Variants in ZBBX observed in about 807,000 individuals in gnomAD.
The protein encoded by ZBBX is zinc finger B-box domain-containing protein 1.
A neutral mutation model predicts 108.5 loss-of-function variants in ZBBX; 101 were observed. The observed-to-expected ratio is 0.93, with a 90% confidence interval of 0.79 to 1.10. ZBBX has a LOEUF of 1.10. Among genes scored for constraint, ZBBX ranks in the 50% least tolerant of loss-of-function variants. The pLI, the probability that ZBBX is intolerant of heterozygous loss-of-function variation, is 0.00. For missense variants in ZBBX, 1,009 were observed against 941.4 expected (o/e 1.07, Z -0.94); for synonymous variants, 356 against 323.4 (o/e 1.10, Z -1.08).
the ZBBX span, among the ~76,000 whole-genome samples, chr3:167,223,838 T>G: frequency 6.6e-6 from 1 of 151,984 alleles, no homozygotes; most frequent in Non-Finnish European, 1.5e-5. Context: ...GATTCAATTT[T>G]TATGTCCTTA....
At chr3:167,313,795 C>T (rs1319205814) in intron 16 of ZBBX, among the ~76,000 whole-genome samples, 179 bp downstream of exon 16, 2 of 152,212 alleles carry the variant, frequency 1.3e-5, no homozygotes, top group Non-Finnish European at 1.5e-5. Flanking sequence ...CATACAAACA[C>T]TGTTGTCCAT....
chr3:167,191,083 C>A, the ZBBX span, among the ~76,000 whole-genome samples: 1 of 152,200 alleles, frequency 6.6e-6, no homozygotes, highest in Non-Finnish European at 1.5e-5. Context: ...TCTGTTTCAA[C>A]CAAGTTACTA....
chr3:167,272,806 C>T (rs933876920), intron 20 of ZBBX, among the ~76,000 whole-genome samples: 3 of 152,130 alleles, frequency 2.0e-5, no homozygotes, highest in Non-Finnish European at 4.4e-5. Context: ...TGTAGGAAAA[C>T]AAGTCTGTCA....
intron 19 of ZBBX, 150 bp from the exon 20 acceptor site, chr3:167,282,645 G>A: frequency 1.7e-6 from 1 of 598,886 alleles, no homozygotes; most frequent in Non-Finnish European, 2.8e-6. Context: ...ACCCTTTCTA[G>A]CTAACCACAT....
At chr3:167,348,372 A>AAAGAAAG (rs1560163843) in intron 9 of ZBBX, among the ~76,000 whole-genome samples, 95 of 104,788 alleles carry the variant, frequency 9.1e-4, no homozygotes, top group Non-Finnish European at 1.4e-3. Flanking sequence ...AAGAAAGAAA[A>AAAGAAAG]AAAAGAAAAG....
chr3:167,276,900 T>G (rs530867979), intron 20 of ZBBX, among the ~76,000 whole-genome samples: 2 of 151,918 alleles, frequency 1.3e-5, no homozygotes, highest in African/African-American at 4.8e-5. Context: ...GATCTCTCGG[T>G]AGAAACTCTA....
intron 11 of ZBBX, among the ~76,000 whole-genome samples, chr3:167,325,457 C>G (rs1190028452): frequency 2.0e-5 from 3 of 152,128 alleles, no homozygotes; most frequent in Admixed American, 6.6e-5. Flanking sequence ...GACCCACTCC[C>G]ATGATTCAAT....
intron 20 of ZBBX, among the ~76,000 whole-genome samples, chr3:167,249,446 T>G (rs1722182527): frequency 6.6e-6 from 1 of 152,124 alleles, no homozygotes; most frequent in African/African-American, 2.4e-5. Flanking sequence ...ACCCTGTTAC[T>G]CGGGGTCCAC....
intron 21 of ZBBX, among the ~76,000 whole-genome samples, chr3:167,242,014 A>T (rs1031389778): frequency 1.3e-5 from 2 of 152,154 alleles, no homozygotes; most frequent in Non-Finnish European, 2.9e-5. Flanking sequence ...AGCTGATCTG[A>T]CCATCCCTAA....
At chr3:167,330,949 C>CTCTCTCTCTCTT (rs1386510048) in intron 10 of ZBBX, among the ~76,000 whole-genome samples, 1 of 137,136 alleles carries the variant, frequency 7.3e-6, no homozygotes, top group Non-Finnish European at 1.6e-5. Flanking sequence ...CTTTCTTTCT[C>CTCTCTCTCTCTT]TCTCTCTCTC....
chr3:167,376,878 G>A (rs1462335530), intron 2 of ZBBX, among the ~76,000 whole-genome samples: 1 of 152,138 alleles, frequency 6.6e-6, no homozygotes, highest in Non-Finnish European at 1.5e-5. Context: ...AGAGAATTTA[G>A]TCACCTTTCT....
chr3:167,317,496 T>C lies in ZBBX; in HGVS notation c.1085A>G (p.Asp362Gly). ...ATCAAGTATGAACTAACCATCACTATCTTCATCGTTTTCATTTTGAGAACA... is the reference window on the plus strand; with the variant it reads ...ATCAAGTATGAACTAACCATCACTACCTTCATCGTTTTCATTTTGAGAACA... ...AQCSQNENDE[D>G]SDGEETKVQH... The change falls in exon 13 of 22, where the codon GAT becomes GGT. Residue 362 changes from aspartate (D) to glycine (G), a missense_variant. Coordinates refer to ENST00000675490, the MANE Select transcript of ZBBX (RefSeq NM_001199201.2). 1 of 1,606,524 alleles carries C rather than the reference T, an allele frequency of 6.2e-7. No individual in the cohort carries two copies. Among genetic ancestry groups the C allele is most frequent in the Non-Finnish European group, 8.5e-7 (1 of 1,175,608 alleles).
In ZBBX at chr3:167,269,847, G is replaced by A. The variant is rs1199353681; in HGVS notation, c.2254+12391C>T. 2.6e-5 allele frequency among the ~76,000 whole-genome samples: 4 copies of A among 152,162 alleles called. No individual in the cohort carries two copies. The East Asian group carries it at 7.7e-4, about 29-fold the overall frequency. On this transcript the variant is annotated intron_variant, in intron 20 of 21. Transcript: ENST00000675490. ...TCCATATATCCATCAATGGATTACTGTAACAGACTCAAAGCATGCTTTCTG... is the reference window on the plus strand; with the variant it reads ...TCCATATATCCATCAATGGATTACTATAACAGACTCAAAGCATGCTTTCTG...
intron 20 of ZBBX, among the ~76,000 whole-genome samples, chr3:167,259,873 G>A (rs1164400662): frequency 6.6e-6 from 1 of 151,990 alleles, no homozygotes; most frequent in Admixed American, 6.6e-5. Context: ...AATTTATTGA[G>A]GCTCATTTTA....
At chr3:167,313,847 A>G (rs547273377) in intron 16 of ZBBX, 127 bp downstream of exon 16, 46 of 818,164 alleles carry the variant, frequency 5.6e-5, no homozygotes, top group Middle Eastern at 8.4e-4. Flanking sequence ...ATTTTCAACT[A>G]ATTTTCATTT....
the ZBBX span, among the ~76,000 whole-genome samples, chr3:167,230,428 A>G: frequency 6.6e-6 from 1 of 151,828 alleles, no homozygotes; most frequent in African/African-American, 2.4e-5. Context: ...GTGAACAAAT[A>G]CTTTCTGTAG....
intron 1 of ZBBX, among the ~76,000 whole-genome samples, chr3:167,407,427 T>C (rs1748619213): frequency 6.6e-6 from 1 of 152,092 alleles, no homozygotes; most frequent in African/African-American, 2.4e-5. Context: ...CAGTTGGCCC[T>C]TGAACAATGT....
intron 20 of ZBBX, among the ~76,000 whole-genome samples, chr3:167,263,538 T>C (rs1481483449): frequency 6.6e-6 from 1 of 152,240 alleles, no homozygotes; most frequent in African/African-American, 2.4e-5. Context: ...AAAATTTCTC[T>C]TGTTACTGAT....
At chr3:167,191,323 A>T in the ZBBX span, among the ~76,000 whole-genome samples, 2,032 of 152,204 alleles carry the variant, frequency 0.013, 23 homozygotes, top group South Asian at 0.026. Context: ...ATCTTTCTCC[A>T]TTGCCACATT....
Sources: allele counts gnomAD v4.1 joint callset (sites outside exome capture counted in the v4.1 genomes callset), GRCh38; gene constraint gnomAD v4.1.1; transcripts MANE v1.5; gene names NCBI Gene and HGNC (gene_info 2026-07-23, HGNC 2026-07-21).